Variants in SPATS2L observed in about 807,000 individuals in gnomAD.
SPATS2L encodes spermatogenesis associated serine rich 2 like, also known as SPATS2-like protein.
In SPATS2L, 30 loss-of-function variants were observed where a neutral mutation model predicts 59.6. That is an observed-to-expected ratio of 0.50 (90% CI 0.38 to 0.68). The LOEUF (loss-of-function observed/expected upper bound fraction) is 0.68. SPATS2L is among the 30% of genes least tolerant of loss of function. The pLI is 0.00. For missense variants in SPATS2L, 615 were observed against 700.0 expected (o/e 0.88, Z 1.37); for synonymous variants, 252 against 263.5 (o/e 0.96, Z 0.42).
intron 2 of SPATS2L, among the ~76,000 whole-genome samples, chr2:200,367,553 C>T (rs377344741): frequency 4.6e-5 from 7 of 152,288 alleles, no homozygotes; most frequent in African/African-American, 1.7e-4. Context: ...AAGAGTATGT[C>T]TTTATTTCAT....
chr2:200,412,435 C>T lies in SPATS2L; in HGVS notation c.148+16C>T, dbSNP rs1433202142. 1.4e-6 allele frequency: 2 copies of T among 1,426,174 alleles called. No individual in the cohort carries two copies. The highest frequency in any genetic ancestry group is 2.0e-5 in the Admixed American group (1 of 49,536). 88.3% of individuals were successfully genotyped at this position (1,426,174 alleles called of 1,614,324 possible). On this transcript the variant is annotated intron_variant, in intron 4 of 12. Coordinates refer to ENST00000409140, the MANE Select transcript of SPATS2L (RefSeq NM_001100423.2). ...TTTGTGGATGGTAGGTATACCTGTA[C>T]CCTGCAGCTGAAGATGTTAGACTTA...
chr2:200,435,032 C>T (rs1247168635), intron 6 of SPATS2L, among the ~76,000 whole-genome samples: 1 of 152,034 alleles, frequency 6.6e-6, no homozygotes, highest in Non-Finnish European at 1.5e-5. Flanking sequence ...ATCAGAGGTA[C>T]CAAGACAATT....
chr2:200,417,177 A>G (rs2083098532), intron 5 of SPATS2L, among the ~76,000 whole-genome samples: 1 of 152,170 alleles, frequency 6.6e-6, no homozygotes, highest in Admixed American at 6.5e-5. Flanking sequence ...TTCCCAGGAT[A>G]TAGTACGCCA....
At chr2:200,454,488 CATT>C (rs1271792701) in intron 8 of SPATS2L, among the ~76,000 whole-genome samples, 1 of 152,144 alleles carries the variant, frequency 6.6e-6, no homozygotes, top group Non-Finnish European at 1.5e-5. Flanking sequence ...TGATTCTTTT[CATT>C]ATTGTTATTA....
chr2:200,372,045 A>G (rs2081443107), intron 2 of SPATS2L: 1 of 984,828 alleles, frequency 1.0e-6, no homozygotes, highest in Non-Finnish European at 1.2e-6. Context: ...GAAATAATTG[A>G]CTTCTGAGAG....
chr2:200,383,932 A>G (rs1046874661), intron 2 of SPATS2L: 28 of 1,001,706 alleles, frequency 2.8e-5, no homozygotes, highest in Non-Finnish European at 1.4e-5. Context: ...TGGGTTTCAG[A>G]GAAACGAAAG....
At chr2:200,317,985 CT>C (rs2079435197) in intron 1 of SPATS2L, among the ~76,000 whole-genome samples, 1 of 152,120 alleles carries the variant, frequency 6.6e-6, no homozygotes. Flanking sequence ...AGGGAAAAAG[CT>C]TTAGTATGCT....
intron 6 of SPATS2L, among the ~76,000 whole-genome samples, chr2:200,421,032 T>C (rs1363981712): frequency 6.6e-6 from 1 of 152,182 alleles, no homozygotes; most frequent in African/African-American, 2.4e-5. Context: ...TATAAAATCA[T>C]GAGTTTGTAG....
At chr2:200,429,456 C>T (rs546100247) in intron 6 of SPATS2L, among the ~76,000 whole-genome samples, 12 of 152,288 alleles carry the variant, frequency 7.9e-5, no homozygotes, top group Admixed American at 3.3e-4. Context: ...ACCAGAGGAA[C>T]GTGCAGCCTT....
chr2:200,385,315 C>T (rs750359490), intron 2 of SPATS2L, among the ~76,000 whole-genome samples: 4 of 152,188 alleles, frequency 2.6e-5, no homozygotes, highest in Non-Finnish European at 5.9e-5. Context: ...GTTGCTAAAC[C>T]CTGGGCCTGT....
In SPATS2L at chr2:200,389,249, C is replaced by A; in HGVS notation, c.5C>A (p.Ala2Asp). M[A>D]ELNTHVNVKE... ...GCCTATTCCACTAGAAGCAAGATGG[C>A]TGAACTCAATACTCATGTGAATGTC... is the stretch of plus-strand genomic sequence containing the variant. Residue 2 changes from alanine (A) to aspartate (D), a missense_variant, in exon 3 of 13, where the codon GCT becomes GAT. Transcript: ENST00000409140. 1 of 1,583,410 alleles carries A rather than the reference C, an allele frequency of 6.3e-7. No individual in the cohort carries two copies. The highest frequency in any genetic ancestry group is 8.6e-7 in the Non-Finnish European group (1 of 1,162,802).
At chr2:200,473,725 T>C (rs1008547413) in intron 12 of SPATS2L, among the ~76,000 whole-genome samples, 1 of 152,154 alleles carries the variant, frequency 6.6e-6, no homozygotes, top group Non-Finnish European at 1.5e-5. Flanking sequence ...ATCTGCCGGA[T>C]GCAATGGCTC....
chr2:200,430,430 G>A (rs2083840854), intron 6 of SPATS2L, among the ~76,000 whole-genome samples: 1 of 151,212 alleles, frequency 6.6e-6, no homozygotes, highest in African/African-American at 2.4e-5. Context: ...ATTCAGTAAG[G>A]TTTGAGGAAA....
At chr2:200,380,583 G>A (rs901091809) in intron 2 of SPATS2L, among the ~76,000 whole-genome samples, 2 of 152,228 alleles carry the variant, frequency 1.3e-5, no homozygotes, top group African/African-American at 4.8e-5. Flanking sequence ...TTAATGACCT[G>A]TTTAAATAAA....
In SPATS2L at chr2:200,341,271, T is replaced by TA. The variant is rs1360004833; in HGVS notation, c.-23+11792dup. On this transcript the variant is annotated intron_variant, in intron 2 of 12. Coordinates refer to ENST00000409140, the MANE Select transcript of SPATS2L (RefSeq NM_001100423.2). ...CCTGGGCAGGGCCTGGATTTGAACC[T>TA]AGGCAGTGTGACTTCAGCACCTATG... Among the ~76,000 whole-genome samples, 4 of 152,160 alleles carry TA rather than the reference T, an allele frequency of 2.6e-5. No homozygotes were observed. In the South Asian group the frequency reaches 6.2e-4, roughly 24 times the overall value.
intron 3 of SPATS2L, among the ~76,000 whole-genome samples, chr2:200,392,443 G>A (rs1032409754): frequency 6.6e-6 from 1 of 152,128 alleles, no homozygotes; most frequent in Non-Finnish European, 1.5e-5. Flanking sequence ...TCTCTCTTGT[G>A]TTCATCAGTA....
At chr2:200,418,855 C>T (rs1169891551) in intron 5 of SPATS2L, among the ~76,000 whole-genome samples, 1 of 152,156 alleles carries the variant, frequency 6.6e-6, no homozygotes, top group Non-Finnish European at 1.5e-5. Context: ...CTTGCCTCCC[C>T]AGCATTCACC....
Position 200,344,896 on chromosome 2 carries a change from C to T in SPATS2L, c.-23+15416C>T, listed in dbSNP as rs185122827. 6.8e-4 allele frequency among the ~76,000 whole-genome samples: 103 copies of T among 152,002 alleles called. 1 individual carries two copies. Among genetic ancestry groups the T allele is most frequent in the South Asian group, 5.2e-3 (25 of 4,804 alleles). On this transcript the variant is annotated intron_variant, in intron 2 of 12. Transcript: ENST00000409140. ...TTGAGAAGTGTCTGTTCATATCCTT[C>T]GCCCACTTTTTGATGGGGCTGTTTT...
At chr2:200,374,013 AT>A (rs1055561657) in intron 2 of SPATS2L, among the ~76,000 whole-genome samples, 1 of 152,216 alleles carries the variant, frequency 6.6e-6, no homozygotes, top group African/African-American at 2.4e-5. Flanking sequence ...CTCTAGCTGC[AT>A]TACGAACAGA....
Sources: gnomAD v4.1 joint callset for allele counts (sites outside exome capture counted in the v4.1 genomes callset) on GRCh38, gnomAD v4.1.1 for gene constraint, MANE v1.5 for transcripts, NCBI Gene and HGNC (gene_info 2026-07-23, HGNC 2026-07-21) for gene names.